Variants in ADAM18 observed in about 807,000 individuals in gnomAD.
ADAM18 encodes the protein disintegrin and metalloproteinase domain-containing protein 18.
ADAM18 carries 117 observed loss-of-function variants against 94.4 expected under a neutral mutation model. That is an observed-to-expected ratio of 1.24 (90% CI 1.07 to 1.45). ADAM18 has a LOEUF of 1.45. Ranked by LOEUF, ADAM18 falls within the 40% of genes most tolerant of loss-of-function variation. The pLI is 0.00. For missense variants in ADAM18, 936 were observed against 880.0 expected (o/e 1.06, Z -0.81); for synonymous variants, 327 against 291.6 (o/e 1.12, Z -1.24).
chr8:39,667,621 G>T (rs1033003225), intron 13 of ADAM18, among the ~76,000 whole-genome samples: 2 of 152,160 alleles, frequency 1.3e-5, no homozygotes, highest in East Asian at 1.9e-4. Context: ...GAGAGACTGG[G>T]ACTGAAACCA....
At chr8:39,668,344 A>G (rs1183187277) in intron 14 of ADAM18, 148 bp downstream of exon 14, 1 of 738,952 alleles carries the variant, frequency 1.4e-6, no homozygotes, top group Non-Finnish European at 2.1e-6. Context: ...TAGTTTTTTA[A>G]GAGTATCTGA....
chr8:39,590,341 A>G (rs367645387), intron 2 of ADAM18, among the ~76,000 whole-genome samples: 22 of 152,148 alleles, frequency 1.4e-4, no homozygotes, highest in African/African-American at 5.1e-4. Flanking sequence ...AAGAACAAAA[A>G]ACCAAACACC....
At chr8:39,667,832 C>A (rs111316876) in intron 13 of ADAM18, among the ~76,000 whole-genome samples, 166 bp from the exon 14 acceptor site, 1 of 152,198 alleles carries the variant, frequency 6.6e-6, no homozygotes, top group South Asian at 2.1e-4. Context: ...CTGGGCTTCA[C>A]AATGAATACT....
At chr8:39,714,258 G>T (rs367781213) in intron 18 of ADAM18, among the ~76,000 whole-genome samples, 109 of 152,180 alleles carry the variant, frequency 7.2e-4, no homozygotes, top group African/African-American at 2.4e-3. Flanking sequence ...TTGGTTGCAG[G>T]GCAGGGAACA....
chr8:39,633,727 A>G (rs988702729), intron 7 of ADAM18, among the ~76,000 whole-genome samples: 4 of 151,922 alleles, frequency 2.6e-5, no homozygotes. Context: ...TTTCCTACTT[A>G]TTTATAGTAA....
intron 2 of ADAM18, chr8:39,605,823 T>G (rs1585889583): frequency 5.9e-6 from 1 of 168,350 alleles, no homozygotes; most frequent in East Asian, 1.8e-4. Flanking sequence ...CAGTATACAC[T>G]GAACCCAATT....
intron 6 of ADAM18, among the ~76,000 whole-genome samples, chr8:39,615,226 TA>T (rs148186223): frequency 0.12 from 16,293 of 137,798 alleles, 1,121 homozygotes; most frequent in South Asian, 0.27. Flanking sequence ...CTCAACAAAT[TA>T]AAAAAAAAAA....
rs145385976 is a variant in ADAM18, at chr8:39,618,172, A to G, written c.522+7466A>G. 2.3e-3 allele frequency among the ~76,000 whole-genome samples: 347 copies of G among 152,330 alleles called. 1 individual carries two copies. Among genetic ancestry groups the G allele is most frequent in the African/African-American group, 7.7e-3 (322 of 41,578 alleles). On this transcript the variant is annotated intron_variant, in intron 6 of 19. Transcript: ENST00000265707. ...GATCTGGCCAGCAGCCCGCAATGCAACGAGGCTCTCTCTTTGTTCCCAGGT... is the reference window on the plus strand; with the variant it reads ...GATCTGGCCAGCAGCCCGCAATGCAGCGAGGCTCTCTCTTTGTTCCCAGGT...
intron 7 of ADAM18, among the ~76,000 whole-genome samples, chr8:39,635,347 G>A (rs1254789364): frequency 2.0e-5 from 3 of 152,056 alleles, no homozygotes; most frequent in Non-Finnish European, 2.9e-5. Flanking sequence ...TTAAAAATTG[G>A]TATATTTGTA....
chr8:39,629,004 T>C (rs1231771457), intron 6 of ADAM18, among the ~76,000 whole-genome samples: 1 of 152,104 alleles, frequency 6.6e-6, no homozygotes, highest in Non-Finnish European at 1.5e-5. Context: ...TCTTTATGAA[T>C]GGACAATTTT....
At chr8:39,600,557 T>TG (rs1421859965) in intron 2 of ADAM18, among the ~76,000 whole-genome samples, 1 of 152,244 alleles carries the variant, frequency 6.6e-6, no homozygotes, top group Admixed American at 6.5e-5. Context: ...TGATTGATAG[T>TG]GTTTAATATT....
intron 14 of ADAM18, among the ~76,000 whole-genome samples, chr8:39,669,949 T>G (rs947231051): frequency 1.4e-4 from 21 of 152,218 alleles, no homozygotes; most frequent in African/African-American, 4.8e-4. Flanking sequence ...AAAGTGTTCC[T>G]ATTTCTCCAC....
intron 14 of ADAM18, among the ~76,000 whole-genome samples, chr8:39,672,994 G>A (rs1821198414): frequency 6.6e-6 from 1 of 152,110 alleles, no homozygotes; most frequent in African/African-American, 2.4e-5. Flanking sequence ...ATTGGAGTTG[G>A]CATATTTAAT....
At chr8:39,664,008 A>G (rs1454394367) in intron 13 of ADAM18, 118 bp downstream of exon 13, 1 of 690,030 alleles carries the variant, frequency 1.4e-6, no homozygotes. Context: ...AATAAAATGT[A>G]GAGTGCATGA....
chr8:39,671,965 T>C (rs1455168300), intron 14 of ADAM18, among the ~76,000 whole-genome samples: 2 of 152,036 alleles, frequency 1.3e-5, no homozygotes, highest in African/African-American at 4.8e-5. Flanking sequence ...TGGGGGGTAT[T>C]TATTGTTTTG....
At chr8:39,678,846 CG>C (rs1821362696) in intron 15 of ADAM18, among the ~76,000 whole-genome samples, 1 of 152,050 alleles carries the variant, frequency 6.6e-6, no homozygotes, top group Non-Finnish European at 1.5e-5. Context: ...TAGCATACAT[CG>C]TCTGATCTAA....
intron 2 of ADAM18, among the ~76,000 whole-genome samples, chr8:39,586,905 C>G (rs1457103451): frequency 6.6e-6 from 1 of 152,014 alleles, no homozygotes; most frequent in Non-Finnish European, 1.5e-5. Flanking sequence ...TACTACTTGT[C>G]AAGAAGCATA....
At chr8:39,658,593 A>T (rs998189927) in intron 12 of ADAM18, among the ~76,000 whole-genome samples, 1 of 152,174 alleles carries the variant, frequency 6.6e-6, no homozygotes, top group Admixed American at 6.5e-5. Context: ...TTTTTAGCTC[A>T]TTGGACTTCT....
intron 18 of ADAM18, among the ~76,000 whole-genome samples, chr8:39,720,112 T>C (rs1822706209): frequency 6.6e-6 from 1 of 151,494 alleles, no homozygotes; most frequent in African/African-American, 2.4e-5. Context: ...TACAGTGGAA[T>C]ACTATCAAAT....
Sources: gnomAD v4.1 joint callset for allele counts (sites outside exome capture counted in the v4.1 genomes callset) on GRCh38, gnomAD v4.1.1 for gene constraint, MANE v1.5 for transcripts, NCBI Gene and HGNC (gene_info 2026-07-23, HGNC 2026-07-21) for gene names.